Variants in SEMA5A observed in about 807,000 individuals in gnomAD.
SEMA5A encodes the protein semaphorin 5A.
Under a neutral mutation model 135.5 loss-of-function variants are expected in SEMA5A, and 55 were observed. That is an observed-to-expected ratio of 0.41 (90% CI 0.33 to 0.51). The LOEUF (loss-of-function observed/expected upper bound fraction) is 0.51, where lower values mean the gene tolerates loss of function less well. Ranked by LOEUF, SEMA5A falls within the 20% of genes least tolerant of loss-of-function variation. The probability of loss-of-function intolerance (pLI) is 0.37; values close to 1 mark genes in which losing one functional copy is unlikely to be tolerated. For missense variants in SEMA5A, 1,290 were observed against 1,419.9 expected, an observed-to-expected ratio of 0.91 and a Z score of 1.47; for synonymous variants, 580 against 546.5, an observed-to-expected ratio of 1.06 and a Z score of -0.85.
intron 2 of SEMA5A, among the ~76,000 whole-genome samples, chr5:9,428,088 GTATA>G (rs10536071): frequency 0.43 from 62,671 of 145,520 alleles, 14,862 homozygotes; most frequent in Middle Eastern, 0.59. Context: ...ATATGTGTGT[GTATA>G]TATATATATA....
In SEMA5A at chr5:9,381,975, TGTGTGTGCGC is replaced by T. The variant is rs1180422906; in HGVS notation, c.-77-1962_-77-1953del. Among the ~76,000 whole-genome samples the T allele has an allele frequency of 1.9e-3, 214 of 112,566 alleles. 2 individuals carry two copies. Among genetic ancestry groups the T allele is most frequent in the African/African-American group, 4.0e-3 (102 of 25,482 alleles). The allele number at this position is 112,566 out of a possible 152,430, so 73.8% of individuals were successfully genotyped here. A position where few individuals can be genotyped will look rare whatever the true frequency, so the allele number is the denominator to read the frequency against. On this transcript the variant is annotated intron_variant, in intron 2 of 22. Coordinates refer to ENST00000382496, the MANE Select transcript of SEMA5A (RefSeq NM_003966.3). The stretch of plus-strand genomic sequence containing the variant: ...GTGTGTGTGTGTGTGTGTGTGTGTG[TGTGTGTGCGC>T]GCGCGCGCACATCAAGTTTCAGACA...
At chr5:9,111,099 G>A (rs1162728615) in intron 15 of SEMA5A, among the ~76,000 whole-genome samples, 1 of 152,188 alleles carries the variant, frequency 6.6e-6, no homozygotes, top group African/African-American at 2.4e-5. Flanking sequence ...CATATTTTGA[G>A]GAAGTCAAGA....
At chr5:9,461,286 A>G (rs901182258) in intron 1 of SEMA5A, among the ~76,000 whole-genome samples, 18 of 152,344 alleles carry the variant, frequency 1.2e-4, no homozygotes, top group Admixed American at 2.0e-4. Context: ...CTTACAGAGA[A>G]TGCTCACTGA....
At chr5:9,066,964 C>A (rs1007271858) in intron 16 of SEMA5A, among the ~76,000 whole-genome samples, 2 of 152,106 alleles carry the variant, frequency 1.3e-5, no homozygotes, top group Admixed American at 6.5e-5. Context: ...TAATGAGTAG[C>A]TAAAAGTACC....
intron 5 of SEMA5A, among the ~76,000 whole-genome samples, chr5:9,272,315 T>C (rs574963454): frequency 1.6e-4 from 25 of 152,036 alleles, no homozygotes; most frequent in African/African-American, 5.8e-4. Flanking sequence ...CCAGACCATC[T>C]CTCCTCTCTG....
chr5:9,433,274 G>A (rs1757918500), intron 2 of SEMA5A, among the ~76,000 whole-genome samples: 1 of 151,978 alleles, frequency 6.6e-6, no homozygotes, highest in Non-Finnish European at 1.5e-5. Flanking sequence ...AGAAAGTAAA[G>A]AATTTTTGTT....
intron 3 of SEMA5A, among the ~76,000 whole-genome samples, chr5:9,377,632 G>A (rs1397664153): frequency 6.6e-6 from 1 of 152,120 alleles, no homozygotes; most frequent in Non-Finnish European, 1.5e-5. Context: ...TAAAATGACT[G>A]TGTACTAAAG....
At position 9,219,369 on chromosome 5, in the gene SEMA5A, G is replaced by A. The variant is rs369503494; in HGVS notation, c.646+5305C>T. On this transcript the variant is annotated intron_variant, in intron 8 of 22. Transcript: ENST00000382496. ...AGTTGGCTGAGATTTGCAGGTGTCT[G>A]GCTCAGATGAGAGGTGAAACATGGA... Among the ~76,000 whole-genome samples, 6 of 152,298 alleles carry A rather than the reference G, an allele frequency of 3.9e-5. No homozygotes were observed. In the East Asian group the frequency reaches 1.2e-3, roughly 29 times the overall value.
At chr5:9,060,036 C>T (rs954656409) in intron 18 of SEMA5A, among the ~76,000 whole-genome samples, 6 of 152,102 alleles carry the variant, frequency 3.9e-5, no homozygotes, top group Non-Finnish European at 8.8e-5. Flanking sequence ...TCAGCATTCA[C>T]ACCCCTAGCA....
Position 9,379,977 on chromosome 5 carries a change from G to A in SEMA5A, c.-31C>T, listed in dbSNP as rs759905620. 5.7e-6 allele frequency: 9 copies of A among 1,592,588 alleles called. No individual in the cohort carries two copies. Among genetic ancestry groups the A allele is most frequent in the South Asian group, 1.1e-5 (1 of 89,362 alleles). ...GCAAGGGGCCTCTGACTCTGGGCAC[G>A]TGTCTTCTAAACAGAAGCTCTTCTT... is the stretch of plus-strand genomic sequence containing the variant. On this transcript the variant is annotated 5_prime_UTR_variant, in exon 3 of 23. It adds an upstream start codon to the 5' untranslated region. Transcript: ENST00000382496.
At position 9,402,638 on chromosome 5, in the gene SEMA5A, G is replaced by A. The variant is rs533738599; in HGVS notation, c.-77-22615C>T. ...GGTACCATCTACTCATCAAGGTTTTGGGGTTTTGAATGTTAGTGAGGTGAA... is the reference window on the plus strand; with the variant it reads ...GGTACCATCTACTCATCAAGGTTTTAGGGTTTTGAATGTTAGTGAGGTGAA... On this transcript the variant is annotated intron_variant, in intron 2 of 22. Coordinates refer to ENST00000382496, the MANE Select transcript of SEMA5A (RefSeq NM_003966.3). 5.3e-5 allele frequency among the ~76,000 whole-genome samples: 8 copies of A among 152,278 alleles called. No individual in the cohort carries two copies. In the East Asian group the frequency reaches 1.5e-3, roughly 29 times the overall value.
chr5:9,270,440 T>C (rs373078399), intron 5 of SEMA5A, among the ~76,000 whole-genome samples: 7 of 152,258 alleles, frequency 4.6e-5, no homozygotes, highest in Admixed American at 3.3e-4. Flanking sequence ...ATTACAAATC[T>C]ATATGGAAAT....
intron 4 of SEMA5A, among the ~76,000 whole-genome samples, chr5:9,337,122 C>A (rs995710637): frequency 2.0e-5 from 3 of 152,144 alleles, no homozygotes; most frequent in Non-Finnish European, 2.9e-5. Context: ...AGATGTTGAC[C>A]TAGATACGGG....
chr5:9,209,053 G>T (rs1369596095), intron 8 of SEMA5A, among the ~76,000 whole-genome samples: 4 of 152,132 alleles, frequency 2.6e-5, no homozygotes, highest in African/African-American at 9.7e-5. Flanking sequence ...TCATGAATTT[G>T]CTGATTCAAG....
intron 1 of SEMA5A, among the ~76,000 whole-genome samples, chr5:9,486,403 G>T (rs1734727734): frequency 6.6e-6 from 1 of 152,124 alleles, no homozygotes. Flanking sequence ...TAACGAACCT[G>T]CACGTTCTGC....
chr5:9,214,420 C>A (rs1274823363), intron 8 of SEMA5A, among the ~76,000 whole-genome samples: 2 of 152,182 alleles, frequency 1.3e-5, no homozygotes, highest in East Asian at 1.9e-4. Context: ...AGTGTGTATT[C>A]ATCAGTATAT....
At chr5:9,345,216 C>T (rs554361072) in intron 3 of SEMA5A, among the ~76,000 whole-genome samples, 7 of 152,266 alleles carry the variant, frequency 4.6e-5, no homozygotes, top group African/African-American at 1.7e-4. Context: ...ATTCTGCTTC[C>T]TAACATTCCT....
At chr5:9,506,518 A>G (rs2126833482) in intron 1 of SEMA5A, among the ~76,000 whole-genome samples, 1 of 152,336 alleles carries the variant, frequency 6.6e-6, no homozygotes, top group East Asian at 1.9e-4. Context: ...GCCATGCTTA[A>G]TGAACAACGA....
intron 5 of SEMA5A, among the ~76,000 whole-genome samples, chr5:9,292,894 C>A (rs931406424): frequency 6.6e-6 from 1 of 152,252 alleles, no homozygotes; most frequent in Admixed American, 6.5e-5. Context: ...GCCAAGGATG[C>A]TGTTAAACAT....
Sources: allele counts gnomAD v4.1 joint callset (sites outside exome capture counted in the v4.1 genomes callset), GRCh38; gene constraint gnomAD v4.1.1; transcripts MANE v1.5; gene names NCBI Gene and HGNC (gene_info 2026-07-23, HGNC 2026-07-21).